MYO3B: variants seen among roughly 807,000 people sequenced by gnomAD.
The protein encoded by MYO3B is myosin IIIB.
A neutral mutation model predicts 174.6 loss-of-function variants in MYO3B; 156 were observed. The observed-to-expected ratio is 0.89, with a 90% CI of 0.78 to 1.02. The LOEUF is 1.02. MYO3B is among the 50% of genes least tolerant of loss of function. The probability of loss-of-function intolerance (pLI) is 0.00; values close to 1 mark genes in which losing one functional copy is unlikely to be tolerated. For missense variants in MYO3B, 1,632 were observed against 1,639.4 expected (o/e 1.00, Z 0.08); for synonymous variants, 563 against 569.1 (o/e 0.99, Z 0.15).
At chr2:170,179,669 C>T (rs571104707) in intron 1 of MYO3B, among the ~76,000 whole-genome samples, 1 of 152,292 alleles carries the variant, frequency 6.6e-6, no homozygotes, top group East Asian at 1.9e-4. Flanking sequence ...GATGTGGCCC[C>T]TTGATCTTGG....
intron 1 of MYO3B, among the ~76,000 whole-genome samples, chr2:170,196,572 AT>A (rs1273360857): frequency 6.6e-6 from 1 of 152,204 alleles, no homozygotes. Context: ...TCCTTACTGA[AT>A]GTATAAGTGA....
chr2:170,489,012 C>G (rs1686256546), intron 25 of MYO3B, among the ~76,000 whole-genome samples: 1 of 152,116 alleles, frequency 6.6e-6, no homozygotes, highest in African/African-American at 2.4e-5. Context: ...CTCATGAGTT[C>G]CAATGAGGTG....
In MYO3B at chr2:170,252,532, T is replaced by C. The variant is rs575018392; in HGVS notation, c.749+16396T>C. ...AGTTTATTCAATCACTTATTAAATA[T>C]GTTTTGAGTATTTACTATGGTCAGG... On this transcript the variant is annotated intron_variant, in intron 7 of 34. Transcript: ENST00000408978. Among the ~76,000 whole-genome samples, 15 of 152,358 alleles carry C rather than the reference T, an allele frequency of 9.8e-5. No individual in the cohort carries two copies. In the South Asian group the frequency reaches 2.1e-3, roughly 21 times the overall value.
At chr2:170,307,897 G>A (rs909920559) in intron 7 of MYO3B, among the ~76,000 whole-genome samples, 5 of 152,200 alleles carry the variant, frequency 3.3e-5, no homozygotes, top group African/African-American at 1.2e-4. Flanking sequence ...AACTGTCATG[G>A]CTTTGGTGGG....
At chr2:170,645,012 G>A (rs1332919230) in intron 32 of MYO3B, among the ~76,000 whole-genome samples, 5 of 152,060 alleles carry the variant, frequency 3.3e-5, no homozygotes, top group South Asian at 2.1e-4. Context: ...ATGCAAACTG[G>A]TATTCATAAC....
intron 6 of MYO3B, among the ~76,000 whole-genome samples, chr2:170,220,059 C>T (rs887619311): frequency 2.6e-5 from 4 of 151,972 alleles, no homozygotes; most frequent in East Asian, 1.9e-4. Flanking sequence ...GAGATCGAGA[C>T]CATCCTGGCT....
chr2:170,563,618 A>G (rs920572596), intron 32 of MYO3B, among the ~76,000 whole-genome samples: 2 of 152,210 alleles, frequency 1.3e-5, no homozygotes, highest in Non-Finnish European at 2.9e-5. Context: ...GCTTTCAGAA[A>G]CACATACTGA....
rs75152562 is a variant in MYO3B, at chr2:170,249,519, G to A, written c.749+13383G>A. On this transcript the variant is annotated intron_variant, in intron 7 of 34. Transcript: ENST00000408978. ...TGTGGTCTCCAATGCAGGAGCATCT[G>A]AACCAATCCCTTGGAGTGCAGACAG... 9.0e-4 allele frequency among the ~76,000 whole-genome samples: 137 copies of A among 152,292 alleles called. 1 individual carries two copies. Among genetic ancestry groups the A allele is most frequent in the African/African-American group, 3.2e-3 (131 of 41,566 alleles).
At chr2:170,424,052 G>A (rs1479605776) in intron 22 of MYO3B, among the ~76,000 whole-genome samples, 1 of 152,212 alleles carries the variant, frequency 6.6e-6, no homozygotes, top group African/African-American at 2.4e-5. Flanking sequence ...CGTGGGGAAG[G>A]AACATTGTTT....
chr2:170,481,544 C>T (rs1685689047), intron 25 of MYO3B, among the ~76,000 whole-genome samples: 1 of 151,918 alleles, frequency 6.6e-6, no homozygotes, highest in African/African-American at 2.4e-5. Context: ...CCACTGCACT[C>T]CAGCCTGGGT....
At chr2:170,551,382 T>TTATTTATTTATTTATTTATC (rs1198701361) in intron 32 of MYO3B, among the ~76,000 whole-genome samples, 9 of 138,760 alleles carry the variant, frequency 6.5e-5, no homozygotes, top group East Asian at 2.2e-4. Flanking sequence ...ATTTATTTAT[T>TTATTTATTTATTTATTTATC]TATTTTTAGG....
At chr2:170,406,468 T>C (rs987143437) in intron 21 of MYO3B, among the ~76,000 whole-genome samples, 13 of 152,214 alleles carry the variant, frequency 8.5e-5, no homozygotes, top group African/African-American at 3.1e-4. Flanking sequence ...CACATAGTAC[T>C]TTATGGTATC....
chr2:170,594,359 G>C lies in MYO3B; in HGVS notation c.3733+50371G>C, dbSNP rs867041253. On this transcript the variant is annotated intron_variant, in intron 32 of 34. Transcript: ENST00000408978. Reference sequence around the variant, plus strand: ...TAGGGAGAAGAGAGCGGAGATGAGAGATGAGGAGAGGAGAGACTCTAGGCT... The same window carrying C: ...TAGGGAGAAGAGAGCGGAGATGAGACATGAGGAGAGGAGAGACTCTAGGCT... 2.0e-5 allele frequency among the ~76,000 whole-genome samples: 3 copies of C among 152,312 alleles called. 1 individual carries two copies. In the Middle Eastern group the frequency reaches 0.01, roughly 518 times the overall value.
At chr2:170,603,809 G>T (rs1694656957) in intron 32 of MYO3B, among the ~76,000 whole-genome samples, 1 of 152,144 alleles carries the variant, frequency 6.6e-6, no homozygotes. Flanking sequence ...ATGGAACCAT[G>T]AATAAGAATG....
intron 22 of MYO3B, among the ~76,000 whole-genome samples, chr2:170,440,919 AG>A (rs2094795904): frequency 7.0e-6 from 1 of 143,370 alleles, no homozygotes; most frequent in African/African-American, 2.6e-5. Context: ...CTCCTGCCTC[AG>A]CCTCCAGAGT....
At chr2:170,201,960 C>A (rs2092666776) in intron 3 of MYO3B, among the ~76,000 whole-genome samples, 1 of 152,136 alleles carries the variant, frequency 6.6e-6, no homozygotes, top group Non-Finnish European at 1.5e-5. Flanking sequence ...CTGAAACTTT[C>A]AGGAATTTTC....
At chr2:170,575,359 G>A (rs1262941850) in intron 32 of MYO3B, among the ~76,000 whole-genome samples, 1 of 151,996 alleles carries the variant, frequency 6.6e-6, no homozygotes, top group Admixed American at 6.6e-5. Flanking sequence ...TTTCATGAAA[G>A]AAACCAGAGA....
At chr2:170,485,414 C>G (rs1479314778) in intron 25 of MYO3B, among the ~76,000 whole-genome samples, 1 of 140,114 alleles carries the variant, frequency 7.1e-6, no homozygotes, top group Non-Finnish European at 1.6e-5. Context: ...CACACACACA[C>G]ACACACAGAG....
At chr2:170,295,358 T>G (rs2093622706) in intron 7 of MYO3B, among the ~76,000 whole-genome samples, 3 of 110,226 alleles carry the variant, frequency 2.7e-5, no homozygotes, top group African/African-American at 9.8e-5. Flanking sequence ...GTATTGATTT[T>G]CTTTATTGTT....
Sources: gnomAD v4.1 joint callset for allele counts (sites outside exome capture counted in the v4.1 genomes callset) on GRCh38, gnomAD v4.1.1 for gene constraint, MANE v1.5 for transcripts, NCBI Gene and HGNC (gene_info 2026-07-23, HGNC 2026-07-21) for gene names.